XPNPEP3: variants seen among roughly 807,000 people sequenced by gnomAD.
The protein encoded by XPNPEP3 is xaa-Pro aminopeptidase 3.
In XPNPEP3, 41 loss-of-function variants were observed where a neutral mutation model predicts 60.0. The observed-to-expected ratio is 0.68, with a 90% CI of 0.53 to 0.89. The LOEUF is 0.89. Ranked by LOEUF, XPNPEP3 falls within the 40% of genes least tolerant of loss-of-function variation. The pLI is 0.00. For missense variants in XPNPEP3, 598 were observed against 638.9 expected (o/e 0.94, Z 0.69); for synonymous variants, 212 against 223.2 (o/e 0.95, Z 0.45).
At position 40,909,147 on chromosome 22, in the gene XPNPEP3, G is replaced by A. The variant is rs1215226066; in HGVS notation, c.881G>A (p.Gly294Asp). 7 of 1,614,060 alleles carry A rather than the reference G, an allele frequency of 4.3e-6. No homozygotes were observed. Among genetic ancestry groups the A allele is most frequent in the Non-Finnish European group, 5.9e-6 (7 of 1,180,036 alleles). Residue 294 changes from glycine to aspartate, a missense_variant, in exon 6 of 10, where the codon GGC becomes GAC. By Grantham distance (94) the Gly-to-Asp change is moderately conservative (BLOSUM62 -1). Coordinates refer to ENST00000357137, the MANE Select transcript of XPNPEP3 (RefSeq NM_022098.4). ...AKFEFECRAR[G>D]ADILAYPPVV... ...TTTGAATTTGAATGCCGGGCTCGTG[G>A]CGCAGACATTTTAGCCTATCCACCT...
chr22:40,925,365 G>T (rs529944015), intron 9 of XPNPEP3, among the ~76,000 whole-genome samples: 1 of 152,276 alleles, frequency 6.6e-6, no homozygotes, highest in South Asian at 2.1e-4. Flanking sequence ...TGCTGGTTTT[G>T]TTTTGAAAAC....
chr22:40,879,115 G>C (rs981317395), intron 2 of XPNPEP3, among the ~76,000 whole-genome samples: 1 of 152,112 alleles, frequency 6.6e-6, no homozygotes, highest in South Asian at 2.1e-4. Flanking sequence ...GAAATAAATA[G>C]CTGTAGTACA....
At chr22:40,898,495 C>T (rs1438547828) in intron 4 of XPNPEP3, among the ~76,000 whole-genome samples, 1 of 132,688 alleles carries the variant, frequency 7.5e-6, no homozygotes, top group Non-Finnish European at 1.5e-5. Flanking sequence ...CCTCATGATC[C>T]ACCCGCCTCG....
At chr22:40,865,724 T>A (rs2057975366) in intron 1 of XPNPEP3, among the ~76,000 whole-genome samples, 2 of 151,564 alleles carry the variant, frequency 1.3e-5, no homozygotes, top group Admixed American at 6.6e-5. Context: ...AGAGACAGGG[T>A]TTAGCCATGT....
chr22:40,888,824 C>T (rs1412997889), intron 4 of XPNPEP3, among the ~76,000 whole-genome samples: 1 of 152,126 alleles, frequency 6.6e-6, no homozygotes, highest in Non-Finnish European at 1.5e-5. Context: ...CACCGTTTCA[C>T]ATTCCCACTA....
At chr22:40,862,576 T>C (rs1284676744) in intron 1 of XPNPEP3, 2 of 985,324 alleles carry the variant, frequency 2.0e-6, no homozygotes, top group African/African-American at 1.7e-5. Context: ...TGAGAGGAAG[T>C]ACTGGATGCT....
chr22:40,902,395 C>T (rs1408686473), intron 4 of XPNPEP3, among the ~76,000 whole-genome samples: 20 of 151,996 alleles, frequency 1.3e-4, no homozygotes, highest in Admixed American at 9.2e-4. Flanking sequence ...GGACTACAGG[C>T]GCCTGCCACA....
At chr22:40,888,518 AC>A in intron 4 of XPNPEP3, 1 of 320,152 alleles carries the variant, frequency 3.1e-6, no homozygotes. Context: ...TGCTGGGATT[AC>A]AGGTATGAGC....
chr22:40,930,922 C>A lies in XPNPEP3; in HGVS notation c.*4487C>A. ...GGAGTGTAGTGGCGCCATCTTGGCT[C>A]ACTGCAACCTCCAACTCCCTGGTTC... On this transcript the variant is annotated 3_prime_UTR_variant, in exon 10 of 10. Transcript: ENST00000357137. 1 of 152,352 alleles carries A rather than the reference C, an allele frequency of 6.6e-6. No homozygotes were observed. The highest frequency in any genetic ancestry group is 1.5e-5 in the Non-Finnish European group (1 of 68,188). The allele number at this position is 152,352 out of a possible 1,614,324, so 9.4% of individuals were successfully genotyped here.
intron 7 of XPNPEP3, among the ~76,000 whole-genome samples, chr22:40,920,417 G>T (rs911552230): frequency 2.6e-5 from 4 of 152,140 alleles, no homozygotes; most frequent in Non-Finnish European, 5.9e-5. Context: ...CAGGGGAGAT[G>T]GAAATGGTCT....
intron 4 of XPNPEP3, among the ~76,000 whole-genome samples, chr22:40,891,892 G>A (rs2058089901): frequency 6.6e-6 from 1 of 152,158 alleles, no homozygotes; most frequent in African/African-American, 2.4e-5. Context: ...GAGGTTCCAT[G>A]AGTCTCCCAT....
intron 4 of XPNPEP3, among the ~76,000 whole-genome samples, chr22:40,904,385 A>G (rs774989546): frequency 6.6e-6 from 1 of 152,180 alleles, no homozygotes; most frequent in Non-Finnish European, 1.5e-5. Flanking sequence ...TGAAAGAGTC[A>G]TGACTGTCCT....
rs1263108613 is a variant in XPNPEP3, at chr22:40,861,957, T to C, written c.64+4712T>C. The C allele has an allele frequency of 2.5e-6, 4 of 1,609,948 alleles. No individual in the cohort carries two copies. The Admixed American group carries it at 5.1e-5, about 20-fold the overall frequency. ...TTTTTTAATGTCCTCAGGTGAAGCA[T>C]ATCTTTGCAGTCCTAGAACTTCATA... On this transcript the variant is annotated intron_variant, in intron 1 of 9. Transcript: ENST00000357137.
intron 1 of XPNPEP3, among the ~76,000 whole-genome samples, chr22:40,867,964 C>T (rs1433108719): frequency 6.9e-6 from 1 of 145,592 alleles, no homozygotes; most frequent in Admixed American, 6.8e-5. Context: ...ACCCAACAAA[C>T]AAAACTCCTT....
intron 1 of XPNPEP3, chr22:40,861,791 A>G (rs749714458): frequency 2.5e-6 from 4 of 1,613,534 alleles, no homozygotes; most frequent in East Asian, 2.2e-5. Context: ...CTTCTGTGCC[A>G]TATTTATCAT....
intron 2 of XPNPEP3, among the ~76,000 whole-genome samples, chr22:40,869,755 A>G (rs2145775381): frequency 6.6e-6 from 1 of 152,336 alleles, no homozygotes; most frequent in East Asian, 1.9e-4. Context: ...ATTTAGACCT[A>G]AAGGTTTTTT....
chr22:40,892,561 T>G (rs2058092127), intron 4 of XPNPEP3, among the ~76,000 whole-genome samples: 1 of 152,236 alleles, frequency 6.6e-6, no homozygotes. Flanking sequence ...GCCTGGCTCC[T>G]AATTCCACTA....
At chr22:40,921,740 T>A (rs2058217374) in intron 7 of XPNPEP3, among the ~76,000 whole-genome samples, 1 of 152,198 alleles carries the variant, frequency 6.6e-6, no homozygotes, top group Non-Finnish European at 1.5e-5. Context: ...TCTAGTTATA[T>A]GAGCATCTTT....
chr22:40,875,905 A>C (rs536586898), intron 2 of XPNPEP3, among the ~76,000 whole-genome samples: 11 of 151,906 alleles, frequency 7.2e-5, no homozygotes, highest in Non-Finnish European at 1.5e-4. Flanking sequence ...TTGTAATCCC[A>C]GCTACTCAGG....
Sources: gnomAD v4.1 joint callset for allele counts (sites outside exome capture counted in the v4.1 genomes callset) on GRCh38, gnomAD v4.1.1 for gene constraint, MANE v1.5 for transcripts, NCBI Gene and HGNC (gene_info 2026-07-23, HGNC 2026-07-21) for gene names.